Variants in ZNF74 observed in about 807,000 individuals in gnomAD.
ZNF74 encodes zinc finger protein 520.
A neutral mutation model predicts 17.7 loss-of-function variants in ZNF74; 12 were observed. The observed-to-expected ratio is 0.68, with a 90% CI of 0.43 to 1.10. The LOEUF is 1.10. Ranked by LOEUF, ZNF74 falls within the 50% of genes least tolerant of loss-of-function variation. The pLI is 0.00. For missense variants in ZNF74, 811 were observed against 881.0 expected (o/e 0.92, Z 1.01); for synonymous variants, 358 against 362.1 (o/e 0.99, Z 0.13).
rs1161688530 is a variant in ZNF74 at position 20,405,783 on chromosome 22, C to T, written c.750C>T (p.Cys250=). 2 of 1,610,132 alleles carry T rather than the reference C, an allele frequency of 1.2e-6. No homozygotes were observed. Among genetic ancestry groups the T allele is most frequent in the South Asian group, 1.1e-5 (1 of 90,870 alleles). The change falls in exon 5 of 5, where the codon TGC becomes TGT. Residue 250 remains cysteine (C), a synonymous_variant. Transcript: ENST00000400451. The part of the protein sequence containing the change: ...GAGAGEGEFV[C]GECGKAFRQS... The stretch of plus-strand genomic sequence containing the variant: ...GCGCCGGGGAGGGCGAGTTCGTGTG[C>T]GGCGAGTGCGGGAAGGCGTTCCGCC...
chr22:20,407,224 A>G lies in ZNF74; in HGVS notation c.*256A>G. On this transcript the variant is annotated 3_prime_UTR_variant, in exon 5 of 5. Coordinates refer to ENST00000400451, the MANE Select transcript of ZNF74 (RefSeq NM_003426.4). ...CACCTGTTTTCCTTGATGGGCCTGG[A>G]AGTTGTTGACAAGGGGAAAGATCTT... 1 of 515,424 alleles carries G rather than the reference A, an allele frequency of 1.9e-6. No individual in the cohort carries two copies. Among genetic ancestry groups the G allele is most frequent in the East Asian group, 3.4e-5 (1 of 29,400 alleles). The allele number at this position is 515,424 out of a possible 1,614,324, so 31.9% of individuals were successfully genotyped here. A position where few individuals can be genotyped will look rare whatever the true frequency, so the allele number is the denominator to read the frequency against.
At chr22:20,402,372 T>C (rs2052368504) in intron 4 of ZNF74, among the ~76,000 whole-genome samples, 1 of 152,220 alleles carries the variant, frequency 6.6e-6, no homozygotes, top group African/African-American at 2.4e-5. Flanking sequence ...TTGATTCATA[T>C]ATGAATATAC....
chr22:20,398,507 C>T (rs1440942690), intron 2 of ZNF74, among the ~76,000 whole-genome samples: 2 of 152,084 alleles, frequency 1.3e-5, no homozygotes, highest in Non-Finnish European at 2.9e-5. Context: ...TACAAATAAA[C>T]CCGCTATAAA....
In ZNF74 at chr22:20,405,743, G is replaced by T. The variant is rs572384619; in HGVS notation, c.710G>T (p.Arg237Leu). 29 of 1,603,940 alleles carry T rather than the reference G, an allele frequency of 1.8e-5. No homozygotes were observed. In the Admixed American group the frequency reaches 3.8e-4, roughly 21 times the overall value. Residue 237 changes from arginine to leucine, a missense_variant, in exon 5 of 5, where the codon CGG becomes CTG. By Grantham distance (102) the Arg-to-Leu change is moderately radical. This residue lies in a region of ZNF74 where 666 missense variants were observed against 702.3 expected (regional missense o/e 0.95). Coordinates refer to ENST00000400451, the MANE Select transcript of ZNF74 (RefSeq NM_003426.4). The stretch of plus-strand genomic sequence containing the variant: ...CCAGAAAAGTTCCCCCAGGTGCGCC[G>T]GCAGCGCGGGGCGGGCGCCGGGGAG... ...SEPEKFPQVRRQRGAGAGEGE... is the reference protein window; with the variant it reads ...SEPEKFPQVRLQRGAGAGEGE...
rs1189791660 is a variant in ZNF74 at position 20,401,482 on chromosome 22, T to A, written c.343+110T>A. ...TTTGCCCCGGCTCCATCTCCCCTTT[T>A]CAGGTCCCCCGCCAGACCCTCCTGC... On this transcript the variant is annotated intron_variant, in intron 4 of 4. Transcript: ENST00000400451. The surrounding 1 kb of genome is among the most constrained non-coding windows in gnomAD (Gnocchi z 4.2). 2.8e-6 allele frequency: 2 copies of A among 720,118 alleles called. No homozygotes were observed. The highest frequency in any genetic ancestry group is 1.8e-5 in the African/African-American group (1 of 56,748). 44.6% of individuals were successfully genotyped at this position (720,118 alleles called of 1,614,324 possible). A position where few individuals can be genotyped will look rare whatever the true frequency, so the allele number is the denominator to read the frequency against.
rs1218756192 is a variant in ZNF74 at position 20,406,316 on chromosome 22, G to T, written c.1283G>T (p.Arg428Leu). 13 of 1,611,722 alleles carry T rather than the reference G, an allele frequency of 8.1e-6. No individual in the cohort carries two copies. In the Admixed American group the frequency reaches 2.2e-4, roughly 27 times the overall value. Reference protein sequence around the residue: ...CSDCEKAFNSRSRLTLHQRTH... With the variant: ...CSDCEKAFNSLSRLTLHQRTH... The stretch of plus-strand genomic sequence containing the variant: ...GACTGCGAGAAGGCCTTCAACAGCC[G>T]CTCGCGCCTCACCCTCCACCAGAGG... The change falls in exon 5 of 5, where the codon CGC becomes CTC. Residue 428 changes from arginine to leucine, a missense_variant. Arg to Leu is a moderately radical substitution (Grantham distance 102, BLOSUM62 -2). Around this residue, in one of 3 missense-constraint regions of ZNF74, gnomAD observed 666 missense variants for 702.3 expected, o/e 0.95. Transcript: ENST00000400451.
chr22:20,399,371 G>T (rs548105759), intron 2 of ZNF74: 2 of 148,758 alleles, frequency 1.3e-5, no homozygotes, highest in African/African-American at 2.6e-5. Flanking sequence ...ATTACTATAG[G>T]CACTTGAGCT....
intron 4 of ZNF74, among the ~76,000 whole-genome samples, chr22:20,403,498 G>T (rs968688225): frequency 1.3e-5 from 2 of 151,768 alleles, no homozygotes; most frequent in Admixed American, 1.3e-4. Flanking sequence ...TCACAGCCTT[G>T]GTTCCAGTCT....
intron 4 of ZNF74, 62 bp from the exon 5 acceptor site, chr22:20,405,315 A>T (rs2146100787): frequency 6.6e-7 from 1 of 1,517,050 alleles, no homozygotes; most frequent in Non-Finnish European, 8.9e-7. Context: ...GCCAATTCTC[A>T]AATCTGAATT....
Position 20,407,902 on chromosome 22 carries a change from T to C in ZNF74, c.*934T>C, listed in dbSNP as rs1453248806. The C allele has an allele frequency of 1.3e-5, 2 of 152,228 alleles. No individual in the cohort carries two copies. The highest frequency in any genetic ancestry group is 2.9e-5 in the Non-Finnish European group (2 of 68,046). 9.4% of individuals were successfully genotyped at this position (152,228 alleles called of 1,614,324 possible). A position where few individuals can be genotyped will look rare whatever the true frequency, so the allele number is the denominator to read the frequency against. ...AACATGCCAACATCACCTCTTGCCA[T>C]TTAGCCCCTAGTGAGAAATTGGGAG... is the stretch of plus-strand genomic sequence containing the variant. On this transcript the variant is annotated 3_prime_UTR_variant, in exon 5 of 5. Coordinates refer to ENST00000400451, the MANE Select transcript of ZNF74 (RefSeq NM_003426.4).
chr22:20,395,264 C>A (rs573459394), intron 1 of ZNF74, 69 bp from the exon 2 acceptor site: 1 of 1,259,866 alleles, frequency 7.9e-7, no homozygotes, highest in Non-Finnish European at 1.1e-6. Flanking sequence ...ACTTGTGCCA[C>A]GACAGGTGGG....
Position 20,394,171 on chromosome 22 carries a change from T to C in ZNF74, c.-458T>C. ...TTCCCGCAGCGGCCGCCTGCTGCTC[T>C]TTGTGGCAGTCGCAGTCCTTTTGTG... On this transcript the variant is annotated 5_prime_UTR_variant, in exon 1 of 5. Transcript: ENST00000400451. 1.6e-6 allele frequency: 1 copy of C among 628,948 alleles called. No homozygotes were observed. The highest frequency in any genetic ancestry group is 2.9e-6 in the Non-Finnish European group (1 of 345,826). The allele number at this position is 628,948 out of a possible 1,614,324, so 39.0% of individuals were successfully genotyped here. A position where few individuals can be genotyped will look rare whatever the true frequency, so the allele number is the denominator to read the frequency against.
chr22:20,398,213 A>G (rs1278972667), intron 2 of ZNF74, among the ~76,000 whole-genome samples: 1 of 151,102 alleles, frequency 6.6e-6, no homozygotes, highest in African/African-American at 2.4e-5. Flanking sequence ...GCTACTCAGG[A>G]GGCTGAGGCA....
Position 20,394,248 on chromosome 22 carries a change from C to T in ZNF74, c.-381C>T, listed in dbSNP as rs1413592818. 6.0e-5 allele frequency: 42 copies of T among 704,748 alleles called. 1 individual carries two copies. Among genetic ancestry groups the T allele is most frequent in the Non-Finnish European group, 8.1e-5 (31 of 381,438 alleles). The allele number at this position is 704,748 out of a possible 1,614,324, so 43.7% of individuals were successfully genotyped here. On this transcript the variant is annotated 5_prime_UTR_variant, in exon 1 of 5. Transcript: ENST00000400451. ...CCCTCAGACCGTCGGCGGTCTCTGT[C>T]CGCTTCGGGACCTGTCCGCTGGTCG...
chr22:20,406,613 C>T lies in ZNF74; in HGVS notation c.1580C>T (p.Pro527Leu). 6.2e-7 allele frequency: 1 copy of T among 1,614,232 alleles called. No homozygotes were observed. Among genetic ancestry groups the T allele is most frequent in the Middle Eastern group, 1.6e-4 (1 of 6,062 alleles). Reference protein sequence around the residue: ...VHQRIHTGEKPYKCSECGRAF... With the variant: ...VHQRIHTGEKLYKCSECGRAF... The stretch of plus-strand genomic sequence containing the variant: ...CAGCGCATCCACACCGGTGAGAAGC[C>T]CTACAAGTGCAGCGAGTGCGGCAGA... The change falls in exon 5 of 5, where the codon CCC becomes CTC. Residue 527 changes from proline (P) to leucine (L), a missense_variant. Coordinates refer to ENST00000400451, the MANE Select transcript of ZNF74 (RefSeq NM_003426.4).
Position 20,399,808 on chromosome 22 carries a change from T to C in ZNF74, c.121-824T>C, listed in dbSNP as rs866872730. 2.2e-4 allele frequency: 44 copies of C among 197,234 alleles called. No individual in the cohort carries two copies. The Middle Eastern group carries it at 6.3e-3, about 28-fold the overall frequency. 12.2% of individuals were successfully genotyped at this position (197,234 alleles called of 1,614,324 possible). On this transcript the variant is annotated intron_variant, in intron 2 of 4. Transcript: ENST00000400451. ...TTTTGTTTCTCATTTCCTCCCTTAA[T>C]GACTTCTTTTGAGGTAAACACATAC...
intron 4 of ZNF74, among the ~76,000 whole-genome samples, chr22:20,404,858 T>C (rs1173207823): frequency 6.6e-6 from 1 of 152,174 alleles, no homozygotes; most frequent in Non-Finnish European, 1.5e-5. Context: ...GAGAATGGCG[T>C]GAACCTGGGA....
chr22:20,400,740 C>T lies in ZNF74; in HGVS notation c.229C>T (p.Gln77Ter), dbSNP rs1054239914. Reference sequence around the variant, plus strand: ...CCGGGATGTGATGTTGGAGAACTACCAGAACCTTCTTGCCCTAGGTAAAAT... The same window carrying T: ...CCGGGATGTGATGTTGGAGAACTACTAGAACCTTCTTGCCCTAGGTAAAAT... Reference protein sequence around the residue: ...LYRDVMLENYQNLLALGPPLH... With the variant: ...LYRDVMLENY Residue 77 changes from glutamine (Q) to a stop codon, truncating the protein, a stop_gained, in exon 3 of 5, where the codon CAG becomes TAG. Coordinates refer to ENST00000400451, the MANE Select transcript of ZNF74 (RefSeq NM_003426.4). LOFTEE classifies it high-confidence loss of function. 1.2e-6 allele frequency: 2 copies of T among 1,614,008 alleles called. No homozygotes were observed. Among genetic ancestry groups the T allele is most frequent in the African/African-American group, 2.7e-5 (2 of 74,896 alleles).
chr22:20,398,598 AAT>A (rs1279884268), intron 2 of ZNF74, among the ~76,000 whole-genome samples: 3 of 152,136 alleles, frequency 2.0e-5, no homozygotes, highest in Non-Finnish European at 4.4e-5. Context: ...CCATATAGTA[AAT>A]ATATGTTTGT....
Sources: gnomAD v4.1 joint callset for allele counts (sites outside exome capture counted in the v4.1 genomes callset) on GRCh38, gnomAD v4.1.1 for gene constraint, gnomAD v4.1.1 regional missense constraint, Gnocchi (gnomAD v3.1) non-coding constraint, MANE v1.5 for transcripts, NCBI Gene and HGNC (gene_info 2026-07-23, HGNC 2026-07-21) for gene names.